GPR149: variants seen among roughly 807,000 people sequenced by gnomAD.
GPR149 encodes the protein G protein-coupled receptor 149, also known as probable G protein-coupled receptor 149.
GPR149 carries 50 observed loss-of-function variants against 50.2 expected under a neutral mutation model. That is an observed-to-expected ratio of 1.00 (90% confidence interval 0.79 to 1.26). The LOEUF (loss-of-function observed/expected upper bound fraction) is 1.26, where lower values mean the gene tolerates loss of function less well. GPR149 is among the 50% of genes most tolerant of loss of function. The pLI is 0.00. For missense variants in GPR149, 983 were observed against 895.4 expected, an observed-to-expected ratio of 1.10 and a Z score of -1.25; for synonymous variants, 405 against 358.2, an observed-to-expected ratio of 1.13 and a Z score of -1.48.
chr3:154,427,768 T>C, intron 1 of GPR149, 60 bp from the exon 2 acceptor site: 1 of 1,451,912 alleles, frequency 6.9e-7, no homozygotes, highest in East Asian at 2.3e-5. Flanking sequence ...TTCTCAAGCC[T>C]TTTCTCCACG....
At chr3:154,427,484 T>C in intron 2 of GPR149, 32 bp downstream of exon 2, 1 of 1,558,972 alleles carries the variant, frequency 6.4e-7, no homozygotes, top group Non-Finnish European at 8.7e-7. Flanking sequence ...TAATGCATAT[T>C]GCTGCCAATC....
chr3:154,422,797 C>G lies in GPR149; in HGVS notation c.1175-1310G>C, dbSNP rs945124987. Among the ~76,000 whole-genome samples the G allele has an allele frequency of 1.3e-4, 19 of 151,682 alleles. No homozygotes were observed. The East Asian group carries it at 3.7e-3, about 29-fold the overall frequency. ...CTGTCTCATTTATATTTTTACTGAC[C>G]TTTTCTAGTAACATAGTCAAGTAAA... On this transcript the variant is annotated intron_variant, in intron 2 of 3. Transcript: ENST00000389740.
At chr3:154,341,316 TATATATATATATATATATATATATAA>T (rs1559968353) in intron 3 of GPR149, among the ~76,000 whole-genome samples, 1 of 61,676 alleles carries the variant, frequency 1.6e-5, no homozygotes, top group Admixed American at 1.4e-4. Flanking sequence ...TATATATATA[TATATATATATATATATATATATATAA>T]AATGAGTAGG....
Position 154,421,231 on chromosome 3 carries a change from A to G in GPR149, c.1431T>C (p.Asp477=), listed in dbSNP as rs1712133722. The G allele has an allele frequency of 1.2e-6, 2 of 1,613,536 alleles. No individual in the cohort carries two copies. Among genetic ancestry groups the G allele is most frequent in the East Asian group, 2.2e-5 (1 of 44,866 alleles). ...TGGAATCCTGTTTAGCTTCTGTAAT[A>G]TCAGTATTTGTGCATTTGTTGATGC... is the stretch of plus-strand genomic sequence containing the variant. ...QRGINKCTNT[D]ITEAKQDSNN... is the part of the protein sequence containing the mutation. Residue 477 remains aspartate, a synonymous_variant, in exon 3 of 4, where the codon GAT becomes GAC. Transcript: ENST00000389740.
intron 3 of GPR149, among the ~76,000 whole-genome samples, chr3:154,383,702 T>C (rs948027038): frequency 1.3e-5 from 2 of 152,114 alleles, no homozygotes; most frequent in African/African-American, 4.8e-5. Flanking sequence ...GAGGAGATGC[T>C]ATGGTCTGGA....
intron 3 of GPR149, chr3:154,353,768 A>C: frequency 5.3e-6 from 4 of 759,872 alleles, no homozygotes; most frequent in Non-Finnish European, 9.4e-6. Context: ...ATGGCAAAAA[A>C]GAATGTCTTT....
At chr3:154,389,080 G>A (rs777745317) in intron 3 of GPR149, among the ~76,000 whole-genome samples, 5 of 152,016 alleles carry the variant, frequency 3.3e-5, no homozygotes, top group African/African-American at 4.8e-5. Context: ...TCATTCATTC[G>A]TTCATTCTTA....
At chr3:154,394,148 T>C (rs1715235683) in intron 3 of GPR149, among the ~76,000 whole-genome samples, 1 of 151,988 alleles carries the variant, frequency 6.6e-6, no homozygotes, top group Non-Finnish European at 1.5e-5. Flanking sequence ...GCATCACATT[T>C]CCTGATTTTC....
chr3:154,399,297 C>T (rs1331350223), intron 3 of GPR149, among the ~76,000 whole-genome samples: 1 of 152,194 alleles, frequency 6.6e-6, no homozygotes, highest in Admixed American at 6.5e-5. Context: ...ATTCATGTTA[C>T]AATAACTTTT....
At chr3:154,353,099 T>C in intron 3 of GPR149, 1 of 1,467,052 alleles carries the variant, frequency 6.8e-7, no homozygotes, top group Non-Finnish European at 9.6e-7. Flanking sequence ...GGGCATTCTG[T>C]TTTATGTGTG....
At position 154,391,288 on chromosome 3, in the gene GPR149, A is replaced by C. The variant is rs956946357; in HGVS notation, c.1623+29751T>G. The stretch of plus-strand genomic sequence containing the variant: ...AATATAAAAAGATATAAATCATGAC[A>C]TCAAGAACATAACGTGTGTGGGGGG... On this transcript the variant is annotated intron_variant, in intron 3 of 3. Coordinates refer to ENST00000389740, the MANE Select transcript of GPR149 (RefSeq NM_001038705.3). Among the ~76,000 whole-genome samples the C allele has an allele frequency of 4.6e-5, 7 of 151,916 alleles. No homozygotes were observed. The East Asian group carries it at 1.4e-3, about 29-fold the overall frequency.
chr3:154,385,163 G>C lies in GPR149; in HGVS notation c.1623+35876C>G, dbSNP rs559061937. On this transcript the variant is annotated intron_variant, in intron 3 of 3. Transcript: ENST00000389740. The stretch of plus-strand genomic sequence containing the variant: ...CTTGGTGTTTAGATATTTTTAGCTA[G>C]AGATGACTAGATTTTCAGCTAATTT... Among the ~76,000 whole-genome samples, 5 of 152,298 alleles carry C rather than the reference G, an allele frequency of 3.3e-5. No homozygotes were observed. The South Asian group carries it at 1.0e-3, about 32-fold the overall frequency.
In GPR149 at chr3:154,335,963, T is replaced by C. The variant is rs892006991; in HGVS notation, c.*1736A>G. ...ATTATGAGAATATTCAATTCAATTT[T>C]TCTTTTATAAAGACATTTAATGCTA... On this transcript the variant is annotated 3_prime_UTR_variant, in exon 4 of 4. Transcript: ENST00000389740. The C allele has an allele frequency of 4.6e-5, 7 of 152,158 alleles. No individual in the cohort carries two copies. Among genetic ancestry groups the C allele is most frequent in the African/African-American group, 1.7e-4 (7 of 41,464 alleles). The allele number at this position is 152,158 out of a possible 1,614,324, so 9.4% of individuals were successfully genotyped here. A position where few individuals can be genotyped will look rare whatever the true frequency, so the allele number is the denominator to read the frequency against.
chr3:154,421,510 G>C (rs748602273), intron 2 of GPR149, 23 bp from the exon 3 acceptor site: 2 of 1,311,616 alleles, frequency 1.5e-6, no homozygotes, highest in Admixed American at 2.4e-5. Context: ...AAAAACAACA[G>C]TTTATGGCTA....
chr3:154,400,325 C>T (rs1159320882), intron 3 of GPR149, among the ~76,000 whole-genome samples: 1 of 152,108 alleles, frequency 6.6e-6, no homozygotes, highest in Non-Finnish European at 1.5e-5. Context: ...AATATTGAAT[C>T]CTCATAGTAG....
chr3:154,344,853 GT>G (rs1274794928), intron 3 of GPR149, among the ~76,000 whole-genome samples: 1 of 152,200 alleles, frequency 6.6e-6, no homozygotes, highest in African/African-American at 2.4e-5. Context: ...ACAAATTTTT[GT>G]TGTTTTCAAC....
chr3:154,421,406 T>A lies in GPR149; in HGVS notation c.1256A>T (p.Asp419Val), dbSNP rs780544896. 2 of 1,610,728 alleles carry A rather than the reference T, an allele frequency of 1.2e-6. No individual in the cohort carries two copies. Among genetic ancestry groups the A allele is most frequent in the Non-Finnish European group, 1.7e-6 (2 of 1,177,954 alleles). The change falls in exon 3 of 4, where the codon GAT becomes GTT. Residue 419 changes from aspartate (D) to valine (V), a missense_variant. By Grantham distance (152) the Asp-to-Val change is radical (BLOSUM62 -3). Transcript: ENST00000389740. ...IYKIAHEDYY[D>V]DDENSIFYHN... ...ATAGAATATGGAATTTTCATCATCA[T>A]CATAGTAATCTTCATGTGCTATTTT...
Position 154,428,747 on chromosome 3 carries a change from C to G in GPR149, c.869G>C (p.Arg290Pro), listed in dbSNP as rs745700197. 6.2e-7 allele frequency: 1 copy of G among 1,614,124 alleles called. No individual in the cohort carries two copies. Among genetic ancestry groups the G allele is most frequent in the South Asian group, 1.1e-5 (1 of 91,084 alleles). The change falls in exon 1 of 4, where the codon CGT becomes CCT. Residue 290 changes from arginine (R) to proline (P), a missense_variant. Arg to Pro is a moderately radical substitution (Grantham distance 103). Coordinates refer to ENST00000389740, the MANE Select transcript of GPR149 (RefSeq NM_001038705.3). Reference protein sequence around the residue: ...PAAAGAEACRRENRGTLYGTR... With the variant: ...PAAAGAEACRPENRGTLYGTR... ...GCCATAGAGAGTCCCCCGGTTCTCA[C>G]GCCTGCAGGCTTCAGCCCCAGCGGC...
chr3:154,429,383 T>A lies in GPR149; in HGVS notation c.233A>T (p.Asp78Val). Residue 78 changes from aspartate to valine, a missense_variant, in exon 1 of 4, where the codon GAT (aspartate) becomes GTT (valine). By Grantham distance (152) the Asp-to-Val change is radical. Transcript: ENST00000389740. The stretch of plus-strand genomic sequence containing the variant: ...GGTCACCGACAGGACGCTCATGAGA[T>A]CATCCACAGACCAGGAAGCCACAAG... ...SMLVASWSVD[D>V]LMSVLSVTIF... 6.2e-7 allele frequency: 1 copy of A among 1,614,152 alleles called. No homozygotes were observed. Among genetic ancestry groups the A allele is most frequent in the Non-Finnish European group, 8.5e-7 (1 of 1,180,016 alleles).
Sources: allele counts gnomAD v4.1 joint callset (sites outside exome capture counted in the v4.1 genomes callset), GRCh38; gene constraint gnomAD v4.1.1; transcripts MANE v1.5; gene names NCBI Gene and HGNC (gene_info 2026-07-23, HGNC 2026-07-21).